Variants in USP48 observed in about 807,000 individuals in gnomAD.
USP48 encodes ubiquitin specific peptidase 48, also known as ubiquitin carboxyl-terminal hydrolase 48.
In USP48, 43 loss-of-function variants were observed where a neutral mutation model predicts 150.7. The observed-to-expected ratio is 0.29, with a 90% CI of 0.22 to 0.37. USP48 has a LOEUF of 0.37. USP48 is among the 10% of genes least tolerant of loss of function. The pLI is 1.00. For missense variants in USP48, 813 were observed against 1,249.6 expected (o/e 0.65, Z 5.27); for synonymous variants, 396 against 425.9 (o/e 0.93, Z 0.86).
chr1:21,690,147 G>T, intron 23 of USP48, 48 bp from the exon 24 acceptor site: 1 of 1,495,784 alleles, frequency 6.7e-7, no homozygotes, highest in South Asian at 1.3e-5. Context: ...AAAATACTAA[G>T]ACTTATACCC....
intron 4 of USP48, 57 bp downstream of exon 4, chr1:21,752,935 C>CT: frequency 6.6e-7 from 1 of 1,517,896 alleles, no homozygotes; most frequent in East Asian, 2.4e-5. Flanking sequence ...TATAAACATG[C>CT]TTAGGATGTT....
chr1:21,752,755 T>G (rs1271418157), intron 4 of USP48, 104 bp from the exon 5 acceptor site: 1 of 1,348,446 alleles, frequency 7.4e-7, no homozygotes, highest in African/African-American at 1.5e-5. Flanking sequence ...TACTTTCAAC[T>G]TAGCATTTTC....
At chr1:21,731,295 C>T (rs1272120383) in intron 9 of USP48, among the ~76,000 whole-genome samples, 3 of 151,780 alleles carry the variant, frequency 2.0e-5, no homozygotes, top group Non-Finnish European at 1.5e-5. Context: ...GACAGAATTT[C>T]GCTCGTCTCC....
At chr1:21,715,143 T>C (rs1302991058) in intron 15 of USP48, 1 of 422,850 alleles carries the variant, frequency 2.4e-6, no homozygotes, top group Non-Finnish European at 4.3e-6. Context: ...TCTCAAAGTG[T>C]TTAACTTGGA....
intron 21 of USP48, 132 bp downstream of exon 21, chr1:21,703,380 A>C: frequency 1.8e-6 from 1 of 552,156 alleles, no homozygotes; most frequent in Non-Finnish European, 3.2e-6. Context: ...TCCAATTTCA[A>C]TTCTGATGCC....
intron 14 of USP48, among the ~76,000 whole-genome samples, chr1:21,719,177 C>A: frequency 7.3e-6 from 1 of 136,392 alleles, no homozygotes. Context: ...GCAGGAAAAT[C>A]ACTTGAACTG....
At chr1:21,751,692 A>C (rs2097814418) in intron 5 of USP48, 77 bp from the exon 6 acceptor site, 1 of 1,093,586 alleles carries the variant, frequency 9.1e-7, no homozygotes, top group Non-Finnish European at 1.4e-6. Flanking sequence ...CATCCTAGAA[A>C]GATGGAAAAA....
chr1:21,704,398 C>CAAA lies in USP48; in HGVS notation c.2385-9_2385-7dup, dbSNP rs749210471. On this transcript the variant is annotated splice_region_variant and splice_polypyrimidine_tract_variant and intron_variant, in intron 19 of 26. Transcript: ENST00000308271. Reference sequence around the variant, plus strand: ...TGGGCCATATGAGAGCTATACTGTGCAAAAAAAAAACACAACATGCCTTAA... The same window carrying CAAA: ...TGGGCCATATGAGAGCTATACTGTGCAAAAAAAAAAAAACACAACATGCCTTAA... The CAAA allele has an allele frequency of 1.5e-6, 2 of 1,350,042 alleles. No individual in the cohort carries two copies. Among genetic ancestry groups the CAAA allele is most frequent in the South Asian group, 1.4e-5 (1 of 69,668 alleles). 83.6% of individuals were successfully genotyped at this position (1,350,042 alleles called of 1,614,324 possible). A position where few individuals can be genotyped will look rare whatever the true frequency, so the allele number is the denominator to read the frequency against.
chr1:21,690,128 G>A (rs541093135), intron 23 of USP48, 29 bp from the exon 24 acceptor site: 10 of 1,592,388 alleles, frequency 6.3e-6, no homozygotes, highest in African/African-American at 2.7e-5. Flanking sequence ...GAGAAAGTCC[G>A]TATAATGCAA....
chr1:21,680,890 G>C, intron 25 of USP48, 56 bp from the exon 26 acceptor site: 2 of 1,389,982 alleles, frequency 1.4e-6, no homozygotes, highest in South Asian at 2.5e-5. Context: ...GTGACAGACA[G>C]TAATATCATT....
intron 1 of USP48, among the ~76,000 whole-genome samples, chr1:21,776,966 T>G (rs1196961857): frequency 7.1e-6 from 1 of 140,896 alleles, no homozygotes; most frequent in Non-Finnish European, 1.5e-5. Context: ...AAAAAAAAAA[T>G]TAGCCAGGTG....
chr1:21,715,059 C>T (rs1275027802), intron 15 of USP48: 4 of 219,174 alleles, frequency 1.8e-5, no homozygotes, highest in African/African-American at 4.7e-5. Flanking sequence ...GATCTTGTTG[C>T]ACAGATAAAA....
chr1:21,726,350 G>A (rs1239005554), intron 11 of USP48: 3 of 152,160 alleles, frequency 2.0e-5, no homozygotes, highest in Admixed American at 1.3e-4. Flanking sequence ...AGGAAAGCTT[G>A]TTGTTTTGGT....
rs548583450 is a variant in USP48 at position 21,770,481 on chromosome 1, CT to C, written c.134+12342del. On this transcript the variant is annotated intron_variant, in intron 1 of 26. Coordinates refer to ENST00000308271, the MANE Select transcript of USP48 (RefSeq NM_032236.8). ...TTGTGATAATTAGTCAATCAAGTGTCTTTTTTTTTTTTTTTTTTTGAGACAG... is the reference window on the plus strand; with the variant it reads ...TTGTGATAATTAGTCAATCAAGTGTCTTTTTTTTTTTTTTTTTTGAGACAG... Among the ~76,000 whole-genome samples the C allele has an allele frequency of 8.4e-3, 971 of 115,840 alleles. 5 individuals carry two copies. Among genetic ancestry groups the C allele is most frequent in the Non-Finnish European group, 0.012 (684 of 55,242 alleles). 76.0% of individuals were successfully genotyped at this position (115,840 alleles called of 152,430 possible).
intron 1 of USP48, among the ~76,000 whole-genome samples, chr1:21,771,450 T>C (rs1435873429): frequency 6.7e-6 from 1 of 148,512 alleles, no homozygotes; most frequent in Non-Finnish European, 1.5e-5. Context: ...TTATAAATTA[T>C]AATATAATGG....
intron 1 of USP48, among the ~76,000 whole-genome samples, chr1:21,775,219 A>G (rs556684493): frequency 6.6e-6 from 1 of 151,232 alleles, no homozygotes; most frequent in African/African-American, 2.4e-5. Flanking sequence ...CTCAGTCTCC[A>G]GTGTAGCTGG....
chr1:21,717,467 C>CAAACA (rs1467833125), intron 14 of USP48, among the ~76,000 whole-genome samples: 4 of 150,952 alleles, frequency 2.6e-5, no homozygotes, highest in African/African-American at 9.7e-5. Flanking sequence ...ACCAAACAAA[C>CAAACA]AAAAAAACCC....
At chr1:21,743,804 C>T (rs2097787524) in intron 8 of USP48, among the ~76,000 whole-genome samples, 1 of 151,932 alleles carries the variant, frequency 6.6e-6, no homozygotes, top group Admixed American at 6.6e-5. Flanking sequence ...GTGTTTTGAA[C>T]TTTTAGGAAT....
chr1:21,683,792 T>C (rs575501699), intron 25 of USP48, among the ~76,000 whole-genome samples: 10 of 152,322 alleles, frequency 6.6e-5, no homozygotes, highest in African/African-American at 2.4e-4. Flanking sequence ...CCTCCCTTCA[T>C]ATGGCCCCTT....
Sources: allele counts gnomAD v4.1 joint callset (sites outside exome capture counted in the v4.1 genomes callset), GRCh38; gene constraint gnomAD v4.1.1; transcripts MANE v1.5; gene names NCBI Gene and HGNC (gene_info 2026-07-23, HGNC 2026-07-21).